CNOT3: variants seen among roughly 807,000 people sequenced by gnomAD.
CNOT3 encodes the protein CCR4-NOT transcription complex subunit 3.
In CNOT3, 2 loss-of-function variants were observed where a neutral mutation model predicts 89.4. That is an observed-to-expected ratio of 0.02 (90% CI 0.01 to 0.07). The LOEUF is 0.07. Among genes scored for constraint, CNOT3 ranks in the 10% least tolerant of loss-of-function variants. CNOT3 has a pLI of 1.00. For missense variants in CNOT3, 664 were observed against 1,010.2 expected (o/e 0.66, Z 4.65); for synonymous variants, 486 against 402.0 (o/e 1.21, Z -2.50).
At chr19:54,139,032 C>T (rs1284790570) in intron 1 of CNOT3, among the ~76,000 whole-genome samples, 1 of 152,248 alleles carries the variant, frequency 6.6e-6, no homozygotes, top group East Asian at 1.9e-4. Context: ...CTGGGATCCC[C>T]TGGCGCTCAG....
In CNOT3 at chr19:54,155,576, G is replaced by T; in HGVS notation, c.*169G>T. ...TTTTCCTCTCAGCCCCACCCTGGGG[G>T]CCCGGGGGCGAGGGCTGCCCCCTCC... On this transcript the variant is annotated 3_prime_UTR_variant, in exon 18 of 18. Transcript: ENST00000221232. 4.0e-6 allele frequency: 4 copies of T among 992,072 alleles called. No homozygotes were observed. The highest frequency in any genetic ancestry group is 1.7e-5 in the South Asian group (1 of 59,788). 61.5% of individuals were successfully genotyped at this position (992,072 alleles called of 1,614,324 possible). A position where few individuals can be genotyped will look rare whatever the true frequency, so the allele number is the denominator to read the frequency against.
Position 54,155,598 on chromosome 19 carries a change from C to T in CNOT3, c.*191C>T, listed in dbSNP as rs552141213. ...GGGGCCCGGGGGCGAGGGCTGCCCCCTCCTCCCCTCCCCAGTGAGGGACAT... is the reference window on the plus strand; with the variant it reads ...GGGGCCCGGGGGCGAGGGCTGCCCCTTCCTCCCCTCCCCAGTGAGGGACAT... On this transcript the variant is annotated 3_prime_UTR_variant, in exon 18 of 18. Transcript: ENST00000221232. 13 of 1,121,632 alleles carry T rather than the reference C, an allele frequency of 1.2e-5. No individual in the cohort carries two copies. Among genetic ancestry groups the T allele is most frequent in the African/African-American group, 9.4e-5 (6 of 63,914 alleles). 69.5% of individuals were successfully genotyped at this position (1,121,632 alleles called of 1,614,324 possible). A position where few individuals can be genotyped will look rare whatever the true frequency, so the allele number is the denominator to read the frequency against.
chr19:54,145,578 G>T lies in CNOT3; in HGVS notation c.484-20G>T. The T allele has an allele frequency of 6.3e-7, 1 of 1,594,136 alleles. No homozygotes were observed. Among genetic ancestry groups the T allele is most frequent in the Non-Finnish European group, 8.6e-7 (1 of 1,162,946 alleles). ...CAGGTGCTCTGCAGCCCCTGAGCCT[G>T]GCCCTGGGCTCGCCAGCAGAAGCAG... On this transcript the variant is annotated intron_variant, in intron 7 of 17. Coordinates refer to ENST00000221232, the MANE Select transcript of CNOT3 (RefSeq NM_014516.4). This position sits in a 1 kb window ranked among gnomAD's most constrained non-coding sequence, Gnocchi z 5.9.
At position 54,152,440 on chromosome 19, in the gene CNOT3, G is replaced by C; in HGVS notation, c.1718G>C (p.Ser573Thr). 1 of 1,614,184 alleles carries C rather than the reference G, an allele frequency of 6.2e-7. No homozygotes were observed. Among genetic ancestry groups the C allele is most frequent in the Non-Finnish European group, 8.5e-7 (1 of 1,180,014 alleles). The change falls in exon 15 of 18, where the codon AGC (serine) becomes ACC (threonine). Residue 573 changes from serine (S) to threonine (T), a missense_variant. Transcript: ENST00000221232. ...LHLTERDIIL[S>T]STSAPPASAQ... ...ACCCTCCCCACAGACATCATCCTGA[G>C]CAGTACATCAGCACCTCCGGCCTCA...
rs2074863061 is a variant in CNOT3, at chr19:54,148,839, C to A, written c.1406+96C>A. 9.0e-7 allele frequency: 1 copy of A among 1,114,936 alleles called. No homozygotes were observed. The highest frequency in any genetic ancestry group is 2.6e-5 in the East Asian group (1 of 38,738). 69.1% of individuals were successfully genotyped at this position (1,114,936 alleles called of 1,614,324 possible). ...CCCGCATCGGTGGGTTCTGAACCCC[C>A]CGCCCTTGCTGCTGGGAATGGCCAA... On this transcript the variant is annotated intron_variant, in intron 12 of 17. Transcript: ENST00000221232. This position sits in a 1 kb window ranked among gnomAD's most constrained non-coding sequence, Gnocchi z 6.3.
At chr19:54,151,266 GAAC>G (rs2075087010) in intron 13 of CNOT3, among the ~76,000 whole-genome samples, 1 of 152,186 alleles carries the variant, frequency 6.6e-6, no homozygotes, top group Admixed American at 6.5e-5. Flanking sequence ...AGTAGAGAAG[GAAC>G]AACATGACTT....
chr19:54,146,791 AGGGCAGGT>A, intron 10 of CNOT3, 134 bp downstream of exon 10: 2 of 704,262 alleles, frequency 2.8e-6, no homozygotes, highest in Admixed American at 4.2e-5. Flanking sequence ...TGCTGCCCTG[AGGGCAGGT>A]GGGCAGGGCA....
chr19:54,142,227 CTT>C (rs1224319990), intron 1 of CNOT3: 1 of 152,226 alleles, frequency 6.6e-6, no homozygotes, highest in Non-Finnish European at 1.5e-5. Flanking sequence ...TCTAAGCCTT[CTT>C]GGTATTAGCT....
At chr19:54,154,136 T>A (rs2075294779) in intron 17 of CNOT3, 4 of 631,910 alleles carry the variant, frequency 6.3e-6, no homozygotes, top group Non-Finnish European at 1.2e-5. Flanking sequence ...CTGGGCACAC[T>A]CGCCTGGGGT....
chr19:54,150,894 G>A lies in CNOT3; in HGVS notation c.1605+1136G>A, dbSNP rs587767135. 2.6e-5 allele frequency among the ~76,000 whole-genome samples: 4 copies of A among 151,932 alleles called. No homozygotes were observed. In the South Asian group the frequency reaches 8.3e-4, roughly 32 times the overall value. ...CAACATCCGCCTCCTGGGTTCAAGCGATTCTCCTGCCGCAGCCTACTGAGT... is the reference window on the plus strand; with the variant it reads ...CAACATCCGCCTCCTGGGTTCAAGCAATTCTCCTGCCGCAGCCTACTGAGT... On this transcript the variant is annotated intron_variant, in intron 13 of 17. Transcript: ENST00000221232.
At chr19:54,154,234 C>T (rs1479261427) in intron 17 of CNOT3, 1 of 395,758 alleles carries the variant, frequency 2.5e-6, no homozygotes. Flanking sequence ...CCTCCAGGTC[C>T]CAGCACTCAG....
In CNOT3 at chr19:54,150,735, A is replaced by C. The variant is rs1015416046; in HGVS notation, c.1605+977A>C. Among the ~76,000 whole-genome samples, 16 of 152,152 alleles carry C rather than the reference A, an allele frequency of 1.1e-4. 1 individual carries two copies. Among genetic ancestry groups the C allele is most frequent in the Admixed American group, 1.3e-4 (2 of 15,276 alleles). ...ACTATGTAGGGTTATTTGGAAGACT[A>C]AATCATCCTCATAAAGCTCTTGGAA... On this transcript the variant is annotated intron_variant, in intron 13 of 17. Transcript: ENST00000221232.
At chr19:54,138,698 G>C (rs1001098404) in intron 1 of CNOT3, among the ~76,000 whole-genome samples, 1 of 152,254 alleles carries the variant, frequency 6.6e-6, no homozygotes, top group Non-Finnish European at 1.5e-5. Flanking sequence ...CTCCCCGTTA[G>C]TTGGAGCCTT....
chr19:54,153,965 A>AC (rs1261802741), intron 17 of CNOT3, 125 bp downstream of exon 17: 1 of 1,216,396 alleles, frequency 8.2e-7, no homozygotes, highest in East Asian at 2.3e-5. Flanking sequence ...CCTCAGCCTG[A>AC]CCAAGTACTC....
intron 1 of CNOT3, chr19:54,142,066 G>C (rs1245515418): frequency 6.6e-6 from 1 of 152,088 alleles, no homozygotes; most frequent in Non-Finnish European, 1.5e-5. Context: ...ATGTCTCCCT[G>C]ACTCTAAATT....
At chr19:54,153,352 C>A (rs1000179476) in intron 16 of CNOT3, 6 of 763,184 alleles carry the variant, frequency 7.9e-6, no homozygotes, top group African/African-American at 1.7e-5. Flanking sequence ...TCAGGCCTCC[C>A]TGGAGACCAC....
chr19:54,153,623 C>CG, intron 16 of CNOT3, 92 bp from the exon 17 acceptor site: 1 of 951,984 alleles, frequency 1.1e-6, no homozygotes, highest in Non-Finnish European at 1.7e-6. Context: ...TGGCGGGGGC[C>CG]GGGGTTCAGC....
rs1295605402 is a variant in CNOT3, at chr19:54,153,004, A to T, written c.2037+5A>T. 6.2e-7 allele frequency: 1 copy of T among 1,601,604 alleles called. No homozygotes were observed. The highest frequency in any genetic ancestry group is 1.1e-5 in the South Asian group (1 of 90,348). ...TTCATCTTCTACTATCTGGAGGTAC[A>T]GCAGGGCCCCCGGGGCAGCCTCGGG... On this transcript the variant is annotated splice_donor_5th_base_variant and intron_variant, in intron 16 of 17. Coordinates refer to ENST00000221232, the MANE Select transcript of CNOT3 (RefSeq NM_014516.4).
Position 54,146,631 on chromosome 19 carries a change from C to T in CNOT3, c.868C>T (p.Arg290Cys), listed in dbSNP as rs751208319. Residue 290 changes from arginine (R) to cysteine (C), a missense_variant, in exon 10 of 18, where the codon CGT (arginine) becomes TGT (cysteine). By Grantham distance (180) the Arg-to-Cys change is radical. This residue lies in a region of CNOT3 where 545 missense variants were observed against 566.2 expected (regional missense o/e 0.96). Coordinates refer to ENST00000221232, the MANE Select transcript of CNOT3 (RefSeq NM_014516.4). ...CTCTGAAGATGATAAGAAGAGGGGA[C>T]GTTCCACAGACAGTGAAGTCAGCCA... ...ENSEDDKKRGRSTDSEVSQSP... is the reference protein window; with the variant it reads ...ENSEDDKKRGCSTDSEVSQSP... The T allele has an allele frequency of 6.4e-7, 1 of 1,568,460 alleles. No homozygotes were observed. Among genetic ancestry groups the T allele is most frequent in the Non-Finnish European group, 8.8e-7 (1 of 1,138,500 alleles).
Sources: gnomAD v4.1 joint callset for allele counts (sites outside exome capture counted in the v4.1 genomes callset) on GRCh38, gnomAD v4.1.1 for gene constraint, gnomAD v4.1.1 regional missense constraint, Gnocchi (gnomAD v3.1) non-coding constraint, MANE v1.5 for transcripts, NCBI Gene and HGNC (gene_info 2026-07-23, HGNC 2026-07-21) for gene names.